The following GPR35 variants were observed in gnomAD, a reference collection of about 807,000 sequenced individuals.
GPR35 encodes G protein-coupled receptor 35.
For missense variants in GPR35, 372 were observed against 422.5 expected (o/e 0.88, Z 1.05); for synonymous variants, 207 against 198.4 (o/e 1.04, Z -0.36).
chr2:240,621,348 G>A (rs1246652511), upstream of GPR35, among the ~76,000 whole-genome samples: 6 of 152,144 alleles, frequency 3.9e-5, no homozygotes, highest in Admixed American at 2.0e-4. Flanking sequence ...TCCGCCTCCC[G>A]GGTTCAAGCA....
chr2:240,618,694 C>T (rs2043262244), intron 4 of GPR35, among the ~76,000 whole-genome samples: 2 of 152,184 alleles, frequency 1.3e-5, no homozygotes, highest in Admixed American at 1.3e-4. Flanking sequence ...CACCTGTTTC[C>T]TACAGGTAAC....
chr2:240,623,181 G>C (rs1040011027), upstream of GPR35, among the ~76,000 whole-genome samples: 2 of 152,238 alleles, frequency 1.3e-5, no homozygotes, highest in Admixed American at 6.5e-5. Context: ...CTCTGTGCCA[G>C]GGCCCCGACA....
At chr2:240,616,064 C>G (rs982433859) in intron 2 of GPR35, among the ~76,000 whole-genome samples, 8 of 151,916 alleles carry the variant, frequency 5.3e-5, no homozygotes, top group Non-Finnish European at 1.0e-4. Context: ...GCCTCCTCCA[C>G]GGTTCCCCAG....
Position 240,629,957 on chromosome 2 carries a change from A to G in GPR35, c.5A>G (p.Asn2Ser). 6.3e-7 allele frequency: 1 copy of G among 1,599,822 alleles called. No homozygotes were observed. Among genetic ancestry groups the G allele is most frequent in the Non-Finnish European group, 8.6e-7 (1 of 1,169,552 alleles). M[N>S]GTYNTCGSSD... ...TCCCTGTGCTGCCCCAGGACCATGA[A>G]TGGCACCTACAACACCTGTGGCTCC... Residue 2 changes from asparagine (N) to serine (S), a missense_variant, in exon 2 of 2, where the codon AAT (asparagine) becomes AGT (serine). Coordinates refer to ENST00000407714, the MANE Select transcript of GPR35 (RefSeq NM_005301.5).
rs553810656 is a variant in GPR35, at chr2:240,631,881, G to A, written c.*999G>A. On this transcript the variant is annotated 3_prime_UTR_variant, in exon 2 of 2. Coordinates refer to ENST00000407714, the MANE Select transcript of GPR35 (RefSeq NM_005301.5). The stretch of plus-strand genomic sequence containing the variant: ...ATGTCCACAGGCACCGCCCCACCCT[G>A]TTCCATGTTCCACAGGACTGGAGAG... 2.6e-5 allele frequency among the ~76,000 whole-genome samples: 4 copies of A among 152,246 alleles called. No homozygotes were observed. Among genetic ancestry groups the A allele is most frequent in the Admixed American group, 6.5e-5 (1 of 15,290 alleles).
upstream of GPR35, among the ~76,000 whole-genome samples, chr2:240,624,412 G>A (rs1354321606): frequency 6.6e-6 from 1 of 152,186 alleles, no homozygotes; most frequent in East Asian, 1.9e-4. Context: ...AAAGGGACAG[G>A]AACCAGGCCC....
In GPR35 at chr2:240,630,177, C is replaced by A. The variant is rs372508109; in HGVS notation, c.225C>A (p.Phe75Leu). 6.3e-7 allele frequency: 1 copy of A among 1,590,666 alleles called. No homozygotes were observed. The highest frequency in any genetic ancestry group is 8.5e-7 in the Non-Finnish European group (1 of 1,170,882). ...TCTGCCTGCTGTGCACCTTGCCCTT[C>A]GTGCTGCACTCCCTGCGAGACACCT... is the stretch of plus-strand genomic sequence containing the variant. ...ADLCLLCTLP[F>L]VLHSLRDTSD... is the part of the protein sequence containing the mutation. The change falls in exon 2 of 2, where the codon TTC (phenylalanine) becomes TTA (leucine). Residue 75 changes from phenylalanine (F) to leucine (L), a missense_variant. Transcript: ENST00000407714.
upstream of GPR35, among the ~76,000 whole-genome samples, chr2:240,621,755 CA>C (rs2043297923): frequency 6.6e-6 from 1 of 152,224 alleles, no homozygotes; most frequent in African/African-American, 2.4e-5. Context: ...CATTACAGAG[CA>C]GGGTGTCGTC....
chr2:240,630,930 G>T lies in GPR35; in HGVS notation c.*48G>T, dbSNP rs1373539612. The stretch of plus-strand genomic sequence containing the variant: ...GGCCAGGTCTCGGGGGCTCCGGGAG[G>T]TGCTGCCTGCCAGGGGAAGCTGGAA... On this transcript the variant is annotated 3_prime_UTR_variant, in exon 2 of 2. Transcript: ENST00000407714. 6.7e-7 allele frequency: 1 copy of T among 1,501,150 alleles called. No individual in the cohort carries two copies. The highest frequency in any genetic ancestry group is 1.9e-5 in the Admixed American group (1 of 53,732). The allele number at this position is 1,501,150 out of a possible 1,614,324, so 93.0% of individuals were successfully genotyped here.
At chr2:240,623,346 G>GGT (rs1559437524), upstream of GPR35, among the ~76,000 whole-genome samples, 10 of 142,236 alleles carry the variant, frequency 7.0e-5, 2 homozygotes, top group South Asian at 6.8e-4. Flanking sequence ...AGGTCGTGAG[G>GGT]GCGCAAACAG....
At chr2:240,616,595 CTT>C (rs2043239943) in intron 3 of GPR35, 1 of 712,668 alleles carries the variant, frequency 1.4e-6, no homozygotes, top group African/African-American at 1.7e-5. Flanking sequence ...CTGGTGGTCT[CTT>C]TGTGAGGCCA....
At chr2:240,624,375 G>A (rs1415890245), upstream of GPR35, among the ~76,000 whole-genome samples, 1 of 152,210 alleles carries the variant, frequency 6.6e-6, no homozygotes, top group East Asian at 1.9e-4. Flanking sequence ...AGGAAGGGCA[G>A]GAAGGACAGC....
In GPR35 at chr2:240,608,097, G is replaced by T. The variant is rs1452614954; in HGVS notation, c.-577+1485G>T. Among the ~76,000 whole-genome samples, 5 of 152,114 alleles carry T rather than the reference G, an allele frequency of 3.3e-5. No individual in the cohort carries two copies. In the East Asian group the frequency reaches 9.6e-4, roughly 29 times the overall value. On this transcript the variant is annotated intron_variant, in intron 2 of 5. Transcript: ENST00000319838. Reference sequence around the variant, plus strand: ...TGTAGAGATTGGGTCTTGCTATGTTGCTCGGGCTGGTCTTGAACTCCTATC... The same window carrying T: ...TGTAGAGATTGGGTCTTGCTATGTTTCTCGGGCTGGTCTTGAACTCCTATC...
intron 2 of GPR35, among the ~76,000 whole-genome samples, chr2:240,613,222 A>G (rs1230233471): frequency 6.6e-6 from 1 of 152,102 alleles, no homozygotes; most frequent in Non-Finnish European, 1.5e-5. Flanking sequence ...AAGGAGGAGG[A>G]GAGGGGACAA....
chr2:240,608,139 A>G (rs2043154788), intron 2 of GPR35, among the ~76,000 whole-genome samples: 1 of 152,088 alleles, frequency 6.6e-6, no homozygotes, highest in Non-Finnish European at 1.5e-5. Flanking sequence ...CGATCTTCTC[A>G]CTTCAGCCTC....
At chr2:240,627,178 C>T (rs11885515) in intron 1 of GPR35, among the ~76,000 whole-genome samples, 3,566 of 152,258 alleles carry the variant, frequency 0.023, 153 homozygotes, top group African/African-American at 0.081. Flanking sequence ...AGGCCAGCTA[C>T]GGTCCACGGC....
upstream of GPR35, chr2:240,625,427 T>G: frequency 1.0e-6 from 1 of 985,104 alleles, no homozygotes; most frequent in South Asian, 4.7e-5. Context: ...CCCCCCACCT[T>G]AAGGAGGGGC....
chr2:240,623,742 T>C (rs544509077), upstream of GPR35, among the ~76,000 whole-genome samples: 4 of 152,148 alleles, frequency 2.6e-5, no homozygotes, highest in South Asian at 8.3e-4. Context: ...TGTACACAGG[T>C]GGAACCTGGT....
chr2:240,627,342 A>G (rs931291887), intron 1 of GPR35: 1 of 152,274 alleles, frequency 6.6e-6, no homozygotes, highest in East Asian at 1.9e-4. Context: ...ACAAGGACCC[A>G]TGAACAGGGC....
Sources: allele counts gnomAD v4.1 joint callset (sites outside exome capture counted in the v4.1 genomes callset), GRCh38; gene constraint gnomAD v4.1.1; transcripts MANE v1.5; gene names NCBI Gene and HGNC (gene_info 2026-07-23, HGNC 2026-07-21).